Variants in NEK11 observed in about 807,000 individuals in gnomAD.
NEK11 encodes NIMA related kinase 11.
A neutral mutation model predicts 80.7 loss-of-function variants in NEK11; 72 were observed. The ratio of observed to expected loss-of-function variants is 0.89; its 90% confidence interval spans 0.74 to 1.08. The LOEUF is 1.08. Among genes scored for constraint, NEK11 ranks in the 50% least tolerant of loss-of-function variants. NEK11 has a pLI of 0.00. For synonymous variants in NEK11, 251 were observed against 260.7 expected (o/e 0.96, Z 0.36); for missense variants, 764 against 763.6 (o/e 1.00, Z -0.01).
intron 3 of NEK11, among the ~76,000 whole-genome samples, chr3:131,065,327 G>A (rs2071718805): frequency 6.6e-6 from 1 of 152,272 alleles, no homozygotes; most frequent in South Asian, 2.1e-4. Flanking sequence ...ATTTTCACAA[G>A]TTATTCCTTG....
intron 17 of NEK11, chr3:131,327,494 G>A (rs1025635194): frequency 6.6e-6 from 1 of 152,204 alleles, no homozygotes; most frequent in Non-Finnish European, 1.5e-5. Flanking sequence ...AGAACTCTGA[G>A]GAGTCTGAGA....
At chr3:131,276,637 AATT>A (rs1326645879) in intron 17 of NEK11, among the ~76,000 whole-genome samples, 5 of 151,896 alleles carry the variant, frequency 3.3e-5, no homozygotes, top group Admixed American at 1.3e-4. Context: ...TACACTTATA[AATT>A]ATTATTATTA....
chr3:131,117,918 A>C (rs575288011), intron 5 of NEK11, among the ~76,000 whole-genome samples: 1 of 152,312 alleles, frequency 6.6e-6, no homozygotes, highest in African/African-American at 2.4e-5. Flanking sequence ...GTCGTCTGCA[A>C]ACAGGGACAA....
chr3:131,121,429 G>A (rs542764229), intron 5 of NEK11, among the ~76,000 whole-genome samples: 1 of 152,316 alleles, frequency 6.6e-6, no homozygotes, highest in South Asian at 2.1e-4. Flanking sequence ...GGCTACTCGG[G>A]GCTCAGGGCC....
At chr3:131,201,646 G>A (rs570998404) in intron 14 of NEK11, among the ~76,000 whole-genome samples, 169 of 152,162 alleles carry the variant, frequency 1.1e-3, no homozygotes, top group Middle Eastern at 3.4e-3. Context: ...AGTAAATTTA[G>A]GTTGAGAGTT....
intron 7 of NEK11, among the ~76,000 whole-genome samples, chr3:131,142,280 C>A (rs1355372779): frequency 6.6e-6 from 1 of 152,180 alleles, no homozygotes; most frequent in African/African-American, 2.4e-5. Flanking sequence ...TCGCAAAGAG[C>A]AATCAATCTA....
chr3:131,166,009 G>A (rs1034437920), intron 12 of NEK11, among the ~76,000 whole-genome samples: 1 of 152,166 alleles, frequency 6.6e-6, no homozygotes, highest in African/African-American at 2.4e-5. Context: ...TAGAGTTGCA[G>A]ATTCACATGA....
intron 4 of NEK11, among the ~76,000 whole-genome samples, chr3:131,107,306 G>A (rs989047814): frequency 1.3e-5 from 2 of 151,440 alleles, no homozygotes; most frequent in African/African-American, 2.4e-5. Flanking sequence ...TTTTTAAAGC[G>A]ATACATTGGG....
chr3:131,290,554 C>G (rs895782131), intron 17 of NEK11, among the ~76,000 whole-genome samples: 1 of 152,202 alleles, frequency 6.6e-6, no homozygotes, highest in African/African-American at 2.4e-5. Context: ...TCTCCTTTGT[C>G]TCTTGCCAAA....
chr3:131,203,765 GTGTATATATATATATATATATATATA>G lies in NEK11; in HGVS notation c.1400-24761_1400-24736del, dbSNP rs1252448648. Among the ~76,000 whole-genome samples the G allele has an allele frequency of 5.7e-4, 59 of 104,322 alleles. 2 individuals are homozygous for G. Among genetic ancestry groups the G allele is most frequent in the African/African-American group, 2.3e-3 (54 of 23,908 alleles). The allele number at this position is 104,322 out of a possible 152,430, so 68.4% of individuals were successfully genotyped here. A position where few individuals can be genotyped will look rare whatever the true frequency, so the allele number is the denominator to read the frequency against. ...TATATATATGTGTGTGTGTGTGTGT[GTGTATATATATATATATATATATATA>G]TATATATATATATATATATATATAT... On this transcript the variant is annotated intron_variant, in intron 14 of 17. Coordinates refer to ENST00000383366, the MANE Select transcript of NEK11 (RefSeq NM_024800.5).
intron 4 of NEK11, among the ~76,000 whole-genome samples, chr3:131,105,964 A>G (rs1286602050): frequency 6.6e-6 from 1 of 152,190 alleles, no homozygotes; most frequent in East Asian, 1.9e-4. Flanking sequence ...CCAAAAGCAC[A>G]TCTTACCTAT....
At chr3:131,285,781 G>T (rs547128171) in intron 17 of NEK11, among the ~76,000 whole-genome samples, 18 of 152,256 alleles carry the variant, frequency 1.2e-4, no homozygotes, top group African/African-American at 4.1e-4. Flanking sequence ...GTGTGTGCAC[G>T]CATGTCTGTG....
chr3:131,159,585 G>A (rs1471875756), intron 10 of NEK11, among the ~76,000 whole-genome samples: 2 of 152,128 alleles, frequency 1.3e-5, no homozygotes, highest in African/African-American at 2.4e-5. Flanking sequence ...GGCCAACATG[G>A]GGAAACCCCA....
At position 131,349,757 on chromosome 3, in the gene NEK11, C is replaced by G. The variant is rs763320520; in HGVS notation, c.1919C>G (p.Thr640Ser). 6.2e-7 allele frequency: 1 copy of G among 1,613,530 alleles called. No homozygotes were observed. Among genetic ancestry groups the G allele is most frequent in the South Asian group, 1.1e-5 (1 of 90,994 alleles). The change falls in exon 18 of 18, where the codon ACT (threonine) becomes AGT (serine). Residue 640 changes from threonine (T) to serine (S), a missense_variant. By Grantham distance (58) the Thr-to-Ser change is moderately conservative. Coordinates refer to ENST00000383366, the MANE Select transcript of NEK11 (RefSeq NM_024800.5). ...QLLITMGKEP[T>S]LQNHL is the part of the protein sequence containing the mutation. ...CTGATCACGATGGGAAAAGAACCTA[C>G]TCTCCAGAACCATCTCTAGGCAACT...
At chr3:131,064,480 C>T (rs939116636) in intron 3 of NEK11, among the ~76,000 whole-genome samples, 1 of 152,144 alleles carries the variant, frequency 6.6e-6, no homozygotes, top group African/African-American at 2.4e-5. Flanking sequence ...TTAGGGCCCA[C>T]TCTGCTGGCC....
intron 16 of NEK11, among the ~76,000 whole-genome samples, chr3:131,269,755 G>A (rs2096142395): frequency 6.6e-6 from 1 of 152,170 alleles, no homozygotes; most frequent in African/African-American, 2.4e-5. Flanking sequence ...TCAGAAAGCA[G>A]AGCTTTAAGA....
chr3:131,120,208 T>TA (rs1467143181), intron 5 of NEK11, among the ~76,000 whole-genome samples: 6 of 152,208 alleles, frequency 3.9e-5, no homozygotes, highest in Non-Finnish European at 7.3e-5. Flanking sequence ...TGCTTGTCTG[T>TA]AAAGGATTTT....
chr3:131,303,178 TG>T (rs1284092137), intron 17 of NEK11, among the ~76,000 whole-genome samples: 1 of 152,210 alleles, frequency 6.6e-6, no homozygotes. Context: ...TCCATTTTTG[TG>T]GCAGATTTTT....
At chr3:131,283,278 GCATCATGCTCTGGAAC>G (rs1561364221) in intron 17 of NEK11, among the ~76,000 whole-genome samples, 4 of 152,144 alleles carry the variant, frequency 2.6e-5, no homozygotes, top group African/African-American at 9.7e-5. Context: ...TATGTACCTG[GCATCATGCTCTGGAAC>G]CTATTTGTTT....
Sources: allele counts gnomAD v4.1 joint callset (sites outside exome capture counted in the v4.1 genomes callset), GRCh38; gene constraint gnomAD v4.1.1; transcripts MANE v1.5; gene names NCBI Gene and HGNC (gene_info 2026-07-23, HGNC 2026-07-21).